The following POM121C variants were observed in gnomAD, a reference collection of about 807,000 sequenced individuals.
POM121C encodes the protein POM121 transmembrane nucleoporin C.
A neutral mutation model predicts 66.4 loss-of-function variants in POM121C; 20 were observed. That is an observed-to-expected ratio of 0.30 (90% confidence interval 0.21 to 0.44). The LOEUF is 0.44. Ranked by LOEUF, POM121C falls within the 20% of genes least tolerant of loss-of-function variation. The pLI is 1.00. For missense variants in POM121C, 580 were observed against 1,225.7 expected, an observed-to-expected ratio of 0.47 and a Z score of 7.87; for synonymous variants, 286 against 528.0, an observed-to-expected ratio of 0.54 and a Z score of 6.28.
intron 1 of POM121C, among the ~76,000 whole-genome samples, chr7:75,484,638 C>T (rs1228608597): frequency 8.2e-6 from 1 of 122,124 alleles, no homozygotes; most frequent in Non-Finnish European, 1.6e-5. Context: ...TGTTGCATTC[C>T]AGACTGGGTG....
chr7:75,448,037 A>C (rs1386679903), intron 3 of POM121C, among the ~76,000 whole-genome samples: 5 of 151,390 alleles, frequency 3.3e-5, no homozygotes, highest in Non-Finnish European at 7.4e-5. Flanking sequence ...AAAAAAAAAA[A>C]AACCAACCAA....
chr7:75,424,347 C>T, intron 11 of POM121C, 122 bp from the exon 12 acceptor site: 1 of 1,152,980 alleles, frequency 8.7e-7, no homozygotes. Context: ...TGCAGTAGTC[C>T]CTGCTGTCCA....
rs1216723268 is a variant in POM121C, at chr7:75,431,320, C to T, written c.481-4867G>A. 1.4e-4 allele frequency among the ~76,000 whole-genome samples: 22 copies of T among 151,870 alleles called. 1 individual carries two copies. The highest frequency in any genetic ancestry group is 4.1e-4 in the South Asian group (2 of 4,822). Reference sequence around the variant, plus strand: ...ATATACTGCTGGTAAGAATATAAACCGGGCTGGGTGCAGTGGCTCACGCCT... The same window carrying T: ...ATATACTGCTGGTAAGAATATAAACTGGGCTGGGTGCAGTGGCTCACGCCT... On this transcript the variant is annotated intron_variant, in intron 7 of 14. Coordinates refer to ENST00000615331, the MANE Select transcript of POM121C (RefSeq NM_001099415.3).
intron 1 of POM121C, among the ~76,000 whole-genome samples, chr7:75,475,611 T>C (rs1178192794): frequency 2.6e-5 from 4 of 151,588 alleles, no homozygotes; most frequent in Non-Finnish European, 5.9e-5. Context: ...CCTGGTCTTC[T>C]TCTTCCTAAC....
intron 7 of POM121C, among the ~76,000 whole-genome samples, chr7:75,435,463 T>C (rs1554472933): frequency 6.6e-6 from 1 of 152,186 alleles, no homozygotes; most frequent in African/African-American, 2.4e-5. Flanking sequence ...TGTATCTTGT[T>C]TTAGCGTATT....
At chr7:75,424,919 C>T (rs1789877683) in intron 10 of POM121C, 155 bp downstream of exon 10, 2 of 1,460,590 alleles carry the variant, frequency 1.4e-6, no homozygotes, top group Non-Finnish European at 1.8e-6. Flanking sequence ...AAAATCGAGC[C>T]ACTGAACTCC....
At chr7:75,433,157 C>T (rs1307801149) in intron 7 of POM121C, among the ~76,000 whole-genome samples, 1 of 143,292 alleles carries the variant, frequency 7.0e-6, no homozygotes, top group Non-Finnish European at 1.5e-5. Context: ...ATCGCTTGAA[C>T]CCAGGAGGCG....
At position 75,455,700 on chromosome 7, in the gene POM121C, C is replaced by T. The variant is rs1305488321; in HGVS notation, c.-151-14053G>A. Among the ~76,000 whole-genome samples the T allele has an allele frequency of 8.5e-5, 13 of 152,052 alleles. No homozygotes were observed. In the East Asian group the frequency reaches 1.7e-3, roughly 20 times the overall value. ...CCACCCTCCCTTTGGGGTCCCCGCT[C>T]GCCCGTGTCTATTTTCATTACATTC... On this transcript the variant is annotated intron_variant, in intron 3 of 14. Coordinates refer to ENST00000615331, the MANE Select transcript of POM121C (RefSeq NM_001099415.3).
chr7:75,485,569 C>T (rs1175004284), intron 1 of POM121C, among the ~76,000 whole-genome samples: 1 of 152,104 alleles, frequency 6.6e-6, no homozygotes. Context: ...CGTTTAGAGG[C>T]GGTCGAAATC....
intron 7 of POM121C, among the ~76,000 whole-genome samples, chr7:75,427,448 A>G (rs1789998088): frequency 6.8e-6 from 1 of 147,872 alleles, no homozygotes; most frequent in Admixed American, 6.8e-5. Context: ...AAGAAACAAA[A>G]AACAAAAACA....
intron 7 of POM121C, among the ~76,000 whole-genome samples, chr7:75,435,245 G>A (rs587775692): frequency 6.6e-6 from 1 of 152,324 alleles, no homozygotes; most frequent in African/African-American, 2.4e-5. Flanking sequence ...TACTGCTATG[G>A]AATGACGTCA....
In POM121C at chr7:75,441,540, T is replaced by C; in HGVS notation, c.-44A>G. On this transcript the variant is annotated 5_prime_UTR_variant, in exon 4 of 15. An upstream start codon of the reference 5' UTR is lost. Transcript: ENST00000615331. ...CAGCACAGCCTTCTTGTGATAACCA[T>C]TCCAGCACACTGTGGGAAGTACCCC... 6.2e-7 allele frequency: 1 copy of C among 1,613,690 alleles called. No individual in the cohort carries two copies. Among genetic ancestry groups the C allele is most frequent in the Non-Finnish European group, 8.5e-7 (1 of 1,179,728 alleles).
intron 1 of POM121C, among the ~76,000 whole-genome samples, chr7:75,480,695 T>C (rs1332149663): frequency 8.5e-5 from 13 of 152,246 alleles, no homozygotes; most frequent in African/African-American, 1.7e-4. Context: ...TATAAAATCA[T>C]TGGCCTGTAT....
intron 7 of POM121C, among the ~76,000 whole-genome samples, chr7:75,435,192 T>C (rs1422853071): frequency 4.6e-5 from 7 of 152,214 alleles, no homozygotes; most frequent in African/African-American, 1.4e-4. Context: ...AATAGAGGAC[T>C]AGAGTACCTA....
At chr7:75,466,867 G>T (rs1382006953) in intron 3 of POM121C, among the ~76,000 whole-genome samples, 1 of 152,032 alleles carries the variant, frequency 6.6e-6, no homozygotes, top group African/African-American at 2.4e-5. Flanking sequence ...ACAAATCTAG[G>T]CACCCAGCTC....
chr7:75,446,933 G>C (rs1458342799), intron 3 of POM121C, among the ~76,000 whole-genome samples: 4 of 132,050 alleles, frequency 3.0e-5, no homozygotes, highest in African/African-American at 1.1e-4. Context: ...GCGTGAACCC[G>C]GGAGGCGGAG....
At chr7:75,455,824 C>G (rs1554476238) in intron 3 of POM121C, among the ~76,000 whole-genome samples, 1 of 152,188 alleles carries the variant, frequency 6.6e-6, no homozygotes, top group East Asian at 1.9e-4. Context: ...TTCTCCCACT[C>G]TGGCCTGTGG....
At chr7:75,428,975 G>A (rs587634888) in intron 7 of POM121C, among the ~76,000 whole-genome samples, 4 of 150,824 alleles carry the variant, frequency 2.7e-5, no homozygotes, top group African/African-American at 7.3e-5. Flanking sequence ...AAAGCCAAAG[G>A]TGACTGTAAT....
At chr7:75,440,927 G>A in intron 5 of POM121C, 27 bp downstream of exon 5, 1 of 1,613,910 alleles carries the variant, frequency 6.2e-7, no homozygotes, top group Non-Finnish European at 8.5e-7. Flanking sequence ...GCGGGAAACT[G>A]GCTTAGTACT....
Sources: allele counts gnomAD v4.1 joint callset (sites outside exome capture counted in the v4.1 genomes callset), GRCh38; gene constraint gnomAD v4.1.1; transcripts MANE v1.5; gene names NCBI Gene and HGNC (gene_info 2026-07-23, HGNC 2026-07-21).